PILRA: variants seen among roughly 807,000 people sequenced by gnomAD.
PILRA encodes paired immunoglobin like type 2 receptor alpha.
PILRA carries 37 observed loss-of-function variants against 33.1 expected under a neutral mutation model. The observed-to-expected ratio is 1.12, with a 90% CI of 0.86 to 1.47. The LOEUF (loss-of-function observed/expected upper bound fraction) is 1.47. Among genes scored for constraint, PILRA ranks in the 40% most tolerant of loss-of-function variants. PILRA has a pLI of 0.00. For synonymous variants in PILRA, 146 were observed against 149.9 expected, an observed-to-expected ratio of 0.97 and a Z score of 0.19; for missense variants, 312 against 376.2, an observed-to-expected ratio of 0.83 and a Z score of 1.41.
At chr7:100,399,232 G>C in intron 4 of PILRA, 59 bp from the exon 5 acceptor site, 1 of 1,278,436 alleles carries the variant, frequency 7.8e-7, no homozygotes, top group African/African-American at 1.5e-5. Flanking sequence ...CCACCACCCA[G>C]CCCATGTCTT....
chr7:100,383,723 G>C (rs1584219395), intron 2 of PILRA, among the ~76,000 whole-genome samples: 1 of 151,518 alleles, frequency 6.6e-6, no homozygotes, highest in South Asian at 2.1e-4. Flanking sequence ...TGAACCTCTT[G>C]CCTCCTGGGT....
upstream of PILRA, among the ~76,000 whole-genome samples, chr7:100,372,689 A>G (rs971449847): frequency 3.9e-5 from 6 of 152,186 alleles, no homozygotes; most frequent in African/African-American, 1.4e-4. Flanking sequence ...TGTGGAGGGA[A>G]TGACCTGAGG....
intron 2 of PILRA, among the ~76,000 whole-genome samples, chr7:100,384,429 AT>A (rs1157446711): frequency 0.028 from 3,721 of 134,108 alleles, 127 homozygotes; most frequent in African/African-American, 0.096. Flanking sequence ...AAAAAAAAAA[AT>A]TTTTTTTTTT....
intron 3 of PILRA, among the ~76,000 whole-genome samples, chr7:100,391,186 T>TAG: frequency 7.5e-6 from 1 of 133,768 alleles, no homozygotes; most frequent in African/African-American, 3.3e-5. Context: ...ATAATAATAA[T>TAG]TATTATTATT....
chr7:100,399,746 C>A (rs1563124313), intron 6 of PILRA, 39 bp from the exon 7 acceptor site: 2 of 1,611,026 alleles, frequency 1.2e-6, no homozygotes. Flanking sequence ...ACAGCTCCGT[C>A]TCCACTGTCT....
intron 3 of PILRA, among the ~76,000 whole-genome samples, chr7:100,396,005 T>C (rs1472722122): frequency 2.0e-5 from 3 of 151,992 alleles, no homozygotes; most frequent in Admixed American, 6.6e-5. Context: ...GCACCTGTAA[T>C]CCCAGCTACT....
Position 100,390,097 on chromosome 7 carries a change from A to G in PILRA, c.664A>G (p.Arg222Gly), listed in dbSNP as rs1280863542. Residue 222 changes from arginine to glycine, a missense_variant, in exon 3 of 7, where the codon AGA becomes GGA. Transcript: ENST00000198536. ...ACTGATCTGCCTCCTCAGGTGGAGG[A>G]GAAGGAAAGGTAAGTGCCCAGGACC... ...LGLICLLRWR[R>G]RKGQQRTKAT... 6.2e-7 allele frequency: 1 copy of G among 1,613,770 alleles called. No individual in the cohort carries two copies. The highest frequency in any genetic ancestry group is 1.1e-5 in the South Asian group (1 of 91,062).
At chr7:100,389,834 C>T (rs1791342156) in intron 2 of PILRA, 54 bp from the exon 3 acceptor site, 2 of 1,500,528 alleles carry the variant, frequency 1.3e-6, no homozygotes, top group Admixed American at 1.7e-5. Context: ...CGCCTTTCAC[C>T]CAGACACCCT....
In PILRA at chr7:100,373,832, C is replaced by T. The variant is rs1382810101; in HGVS notation, c.64+112C>T. The stretch of plus-strand genomic sequence containing the variant: ...GGCCCAGGCTCCCACCACCAGGAAA[C>T]AAGGGCGGGTCCCACAGGGGCGGGT... On this transcript the variant is annotated intron_variant, in intron 1 of 6. Coordinates refer to ENST00000198536, the MANE Select transcript of PILRA (RefSeq NM_013439.3). The T allele has an allele frequency of 4.8e-6, 7 of 1,446,294 alleles. No homozygotes were observed. The East Asian group carries it at 1.2e-4, about 24-fold the overall frequency. 89.6% of individuals were successfully genotyped at this position (1,446,294 alleles called of 1,614,324 possible). A position where few individuals can be genotyped will look rare whatever the true frequency, so the allele number is the denominator to read the frequency against.
At chr7:100,381,839 G>T (rs753321056) in intron 2 of PILRA, among the ~76,000 whole-genome samples, 1 of 152,302 alleles carries the variant, frequency 6.6e-6, no homozygotes, top group Middle Eastern at 3.4e-3. Context: ...GGCCGGCCCC[G>T]GGCAGTGAGG....
At chr7:100,378,185 T>TAAAAAAAAA (rs768016679) in intron 2 of PILRA, among the ~76,000 whole-genome samples, 1 of 133,882 alleles carries the variant, frequency 7.5e-6, no homozygotes. Flanking sequence ...CCCCCATCTC[T>TAAAAAAAAA]AAAAAAAAAA....
chr7:100,398,020 C>T, intron 4 of PILRA, 108 bp downstream of exon 4: 1 of 1,115,200 alleles, frequency 9.0e-7, no homozygotes, highest in Non-Finnish European at 1.4e-6. Context: ...CCCAGCCTGC[C>T]ACGGCCATTG....
intron 3 of PILRA, 88 bp from the exon 4 acceptor site, chr7:100,397,791 G>C: frequency 7.3e-7 from 1 of 1,367,552 alleles, no homozygotes. Flanking sequence ...CTCTAAGGAG[G>C]GCCTCAGCCT....
At position 100,373,613 on chromosome 7, in the gene PILRA, G is replaced by A; in HGVS notation, c.-44G>A. 6.2e-7 allele frequency: 1 copy of A among 1,611,638 alleles called. No homozygotes were observed. On this transcript the variant is annotated 5_prime_UTR_variant, in exon 1 of 7. Coordinates refer to ENST00000198536, the MANE Select transcript of PILRA (RefSeq NM_013439.3). ...CTCCACAGGGCCCCTCTCCTGCCTG[G>A]ACGGCTCTGCTGGTCTCCCCGTCCC... is the stretch of plus-strand genomic sequence containing the variant.
intron 3 of PILRA, among the ~76,000 whole-genome samples, chr7:100,396,936 T>A (rs1409428712): frequency 6.6e-6 from 1 of 151,896 alleles, no homozygotes; most frequent in African/African-American, 2.4e-5. Context: ...TTAACACTAA[T>A]GAACTGTACA....
At chr7:100,387,963 T>C (rs745863330) in intron 2 of PILRA, among the ~76,000 whole-genome samples, 11 of 152,218 alleles carry the variant, frequency 7.2e-5, no homozygotes, top group Non-Finnish European at 1.5e-4. Flanking sequence ...GTTTGGGGTT[T>C]TTTCTTTGGA....
chr7:100,384,059 G>A (rs1791192532), intron 2 of PILRA, among the ~76,000 whole-genome samples: 1 of 152,148 alleles, frequency 6.6e-6, no homozygotes. Flanking sequence ...AGATGGCAGT[G>A]CACGAGGTGA....
At position 100,374,134 on chromosome 7, in the gene PILRA, C is replaced by G. The variant is rs1584208336; in HGVS notation, c.155C>G (p.Pro52Arg). The stretch of plus-strand genomic sequence containing the variant: ...TCCATGGGTGGCTCTGTGGAAATCC[C>G]CTTCTCCTTCTATTACCCCTGGGAG... The part of the protein sequence containing the change: ...SASMGGSVEI[P>R]FSFYYPWELA... Residue 52 changes from proline to arginine, a missense_variant, in exon 2 of 7, where the codon CCC becomes CGC. Pro to Arg is a moderately radical substitution (Grantham distance 103). Coordinates refer to ENST00000198536, the MANE Select transcript of PILRA (RefSeq NM_013439.3). 1.9e-6 allele frequency: 3 copies of G among 1,614,124 alleles called. No individual in the cohort carries two copies. In the East Asian group the frequency reaches 6.7e-5, roughly 36 times the overall value.
At chr7:100,377,210 T>G (rs1185116728) in intron 2 of PILRA, among the ~76,000 whole-genome samples, 1 of 151,678 alleles carries the variant, frequency 6.6e-6, no homozygotes, top group Non-Finnish European at 1.5e-5. Flanking sequence ...AATTGTGTTC[T>G]TCTTTGTCAC....
Sources: allele counts gnomAD v4.1 joint callset (sites outside exome capture counted in the v4.1 genomes callset), GRCh38; gene constraint gnomAD v4.1.1; transcripts MANE v1.5; gene names NCBI Gene and HGNC (gene_info 2026-07-23, HGNC 2026-07-21).